The following TRDN variants were observed in gnomAD, a reference collection of about 807,000 sequenced individuals.
TRDN encodes the protein triadin in skeletal muscle.
A neutral mutation model predicts 149.7 loss-of-function variants in TRDN; 161 were observed. The observed-to-expected ratio is 1.08, with a 90% confidence interval of 0.95 to 1.23. TRDN has a LOEUF of 1.23. Among genes scored for constraint, TRDN ranks in the 50% most tolerant of loss-of-function variants. The pLI, the probability that TRDN is intolerant of heterozygous loss-of-function variation, is 0.00. For synonymous variants in TRDN, 294 were observed against 250.5 expected, an observed-to-expected ratio of 1.17 and a Z score of -1.64; for missense variants, 896 against 823.5, an observed-to-expected ratio of 1.09 and a Z score of -1.08.
chr6:123,416,183 A>C (rs1356417024), intron 12 of TRDN, among the ~76,000 whole-genome samples: 1 of 152,210 alleles, frequency 6.6e-6, no homozygotes, highest in Non-Finnish European at 1.5e-5. Context: ...AAATGTGTTT[A>C]TGTTAATTCT....
At chr6:123,223,946 G>A in intron 39 of TRDN, 147 bp downstream of exon 39, 3 of 599,338 alleles carry the variant, frequency 5.0e-6, no homozygotes, top group Non-Finnish European at 8.4e-6. Flanking sequence ...AAAGCTGTTT[G>A]CTTTAAAAAT....
intron 35 of TRDN, among the ~76,000 whole-genome samples, chr6:123,258,992 G>T (rs555591424): frequency 1.2e-4 from 18 of 151,902 alleles, no homozygotes; most frequent in Admixed American, 9.9e-4. Context: ...TATCCCCTTT[G>T]TTATTTTTTA....
At chr6:123,406,526 TA>T (rs1773196732) in intron 12 of TRDN, among the ~76,000 whole-genome samples, 1 of 151,780 alleles carries the variant, frequency 6.6e-6, no homozygotes, top group Admixed American at 6.6e-5. Context: ...AATTTTAATA[TA>T]AAGCTTAAAA....
chr6:123,495,029 C>T (rs536379767), intron 9 of TRDN, among the ~76,000 whole-genome samples: 5 of 151,940 alleles, frequency 3.3e-5, no homozygotes, highest in East Asian at 2.0e-4. Flanking sequence ...CCACCTGGCC[C>T]GGCCAGATTG....
intron 1 of TRDN, among the ~76,000 whole-genome samples, chr6:123,590,699 T>C (rs1376569649): frequency 6.6e-6 from 1 of 152,004 alleles, no homozygotes. Context: ...GAAGCAGAGG[T>C]TGCAGTGAGC....
At chr6:123,570,844 C>T (rs1782536301) in intron 2 of TRDN, 79 bp downstream of exon 2, 1 of 1,343,012 alleles carries the variant, frequency 7.4e-7, no homozygotes, top group Non-Finnish European at 1.0e-6. Flanking sequence ...AAACAGAAAC[C>T]AAGCAGGAAC....
chr6:123,265,239 T>A, intron 33 of TRDN, 79 bp downstream of exon 33: 1 of 1,097,608 alleles, frequency 9.1e-7, no homozygotes, highest in Non-Finnish European at 1.3e-6. Context: ...ACTATTTAAC[T>A]TCAGTTATAA....
In TRDN at chr6:123,271,039, C is replaced by CTG. The variant is rs35914221; in HGVS notation, c.1720+98_1720+99dup. The CTG allele has an allele frequency of 0.19, 74,064 of 383,110 alleles. 1,171 individuals are homozygous for CTG. Among genetic ancestry groups the CTG allele is most frequent in the South Asian group, 0.28 (4,277 of 15,026 alleles). 23.7% of individuals were successfully genotyped at this position (383,110 alleles called of 1,614,324 possible). ...AAAGCCTACACACTTCAGTGAAGGG[C>CTG]TGTGTGTGTGTGTGTGTGTGTGTGT... On this transcript the variant is annotated intron_variant, in intron 30 of 40. Coordinates refer to ENST00000334268, the MANE Select transcript of TRDN (RefSeq NM_006073.4).
intron 10 of TRDN, chr6:123,462,368 G>A (rs1562326453): frequency 1.3e-5 from 2 of 152,158 alleles, no homozygotes; most frequent in Admixed American, 6.5e-5. Context: ...AGTAAGTACT[G>A]TGCAAGTTTT....
At chr6:123,422,046 C>A (rs752978729) in intron 12 of TRDN, among the ~76,000 whole-genome samples, 8 of 151,972 alleles carry the variant, frequency 5.3e-5, no homozygotes, top group African/African-American at 1.5e-4. Flanking sequence ...AAAACCAATA[C>A]AGAATAACAA....
chr6:123,495,229 A>AT (rs972146891), intron 9 of TRDN, among the ~76,000 whole-genome samples: 159 of 151,260 alleles, frequency 1.1e-3, no homozygotes, highest in African/African-American at 3.7e-3. Context: ...AATTTTTATA[A>AT]TTTTTTTTGC....
chr6:123,437,246 C>G (rs144585953), intron 12 of TRDN: 2 of 225,692 alleles, frequency 8.9e-6, no homozygotes, highest in Non-Finnish European at 9.0e-6. Context: ...CAAGGTGGTC[C>G]TCACCTTGAT....
intron 9 of TRDN, among the ~76,000 whole-genome samples, chr6:123,493,326 G>A (rs992129838): frequency 1.3e-5 from 2 of 151,966 alleles, no homozygotes; most frequent in African/African-American, 2.4e-5. Flanking sequence ...TTGAAGTGAG[G>A]ATTATCCCTG....
chr6:123,274,570 G>C, intron 27 of TRDN, 71 bp downstream of exon 27: 3 of 1,375,608 alleles, frequency 2.2e-6, no homozygotes, highest in Non-Finnish European at 3.0e-6. Flanking sequence ...TGAGATGTAA[G>C]CCTCTTTTAG....
chr6:123,300,564 G>A (rs370847695), intron 24 of TRDN, among the ~76,000 whole-genome samples: 2 of 151,768 alleles, frequency 1.3e-5, no homozygotes, highest in African/African-American at 2.4e-5. Context: ...AGACTGGTTC[G>A]GAAGCTATTA....
chr6:123,267,101 C>A (rs868111890), intron 32 of TRDN, among the ~76,000 whole-genome samples: 47 of 69,332 alleles, frequency 6.8e-4, no homozygotes, highest in Admixed American at 8.7e-4. Context: ...GATTTTGTCT[C>A]AAAAAAAAAA....
chr6:123,444,529 T>C (rs1467856926), intron 10 of TRDN, among the ~76,000 whole-genome samples: 1 of 150,678 alleles, frequency 6.6e-6, no homozygotes, highest in South Asian at 2.1e-4. Flanking sequence ...TCCTGCCTAA[T>C]TGCCCTGGCC....
intron 38 of TRDN, among the ~76,000 whole-genome samples, chr6:123,240,499 A>G (rs1051380795): frequency 5.9e-5 from 9 of 151,840 alleles, no homozygotes; most frequent in Non-Finnish European, 1.2e-4. Flanking sequence ...ACAGTTATAT[A>G]TTTATAGCAA....
At chr6:123,384,020 A>G (rs7752828) in intron 14 of TRDN, among the ~76,000 whole-genome samples, 1 of 151,946 alleles carries the variant, frequency 6.6e-6, no homozygotes, top group Non-Finnish European at 1.5e-5. Flanking sequence ...AATGTGAAAA[A>G]TATTCTTGCT....
Sources: gnomAD v4.1 joint callset for allele counts (sites outside exome capture counted in the v4.1 genomes callset) on GRCh38, gnomAD v4.1.1 for gene constraint, MANE v1.5 for transcripts, NCBI Gene and HGNC (gene_info 2026-07-23, HGNC 2026-07-21) for gene names.